Variants in RABEPK observed in about 807,000 individuals in gnomAD.
The protein encoded by RABEPK is 40 kDa Rab9 effector protein.
RABEPK carries 27 observed loss-of-function variants against 34.1 expected under a neutral mutation model. The observed-to-expected ratio is 0.79, with a 90% confidence interval of 0.58 to 1.09. RABEPK has a LOEUF of 1.09. Ranked by LOEUF, RABEPK falls within the 50% of genes least tolerant of loss-of-function variation. RABEPK has a pLI of 0.00. For missense variants in RABEPK, 449 were observed against 462.6 expected (o/e 0.97, Z 0.27); for synonymous variants, 172 against 169.2 (o/e 1.02, Z -0.13).
intron 2 of RABEPK, among the ~76,000 whole-genome samples, chr9:125,206,741 C>G: frequency 6.6e-6 from 1 of 152,284 alleles, no homozygotes; most frequent in African/African-American, 2.4e-5. Context: ...GAGTCCTTCC[C>G]TGCCCTGTTT....
intron 3 of RABEPK, among the ~76,000 whole-genome samples, chr9:125,208,801 C>A (rs1323132428): frequency 6.6e-6 from 1 of 151,818 alleles, no homozygotes; most frequent in East Asian, 1.9e-4. Flanking sequence ...TCCCAAAGTG[C>A]TGGGATTACA....
At position 125,200,630 on chromosome 9, in the gene RABEPK, C is replaced by A. The variant is rs532584509; in HGVS notation, c.-283C>A. ...GGGCGAGGGTCCCCGGATACCGGGT[C>A]TATCACGGTCTCGGGCAGGGAGTCT... On this transcript the variant is annotated 5_prime_UTR_variant, in exon 1 of 8. Transcript: ENST00000373538. 4 of 467,644 alleles carry A rather than the reference C, an allele frequency of 8.6e-6. No homozygotes were observed. Among genetic ancestry groups the A allele is most frequent in the Non-Finnish European group, 1.8e-5 (4 of 224,484 alleles). 29.0% of individuals were successfully genotyped at this position (467,644 alleles called of 1,614,324 possible).
At chr9:125,204,209 C>T (rs1830078915) in intron 2 of RABEPK, among the ~76,000 whole-genome samples, 1 of 151,854 alleles carries the variant, frequency 6.6e-6, no homozygotes. Context: ...TGGCGGGCAT[C>T]TGTAGTCCCA....
At chr9:125,209,305 C>T (rs539365968) in intron 3 of RABEPK, among the ~76,000 whole-genome samples, 6 of 151,646 alleles carry the variant, frequency 4.0e-5, no homozygotes, top group African/African-American at 7.3e-5. Context: ...GTGATCCTCC[C>T]GCCTCATCCT....
chr9:125,232,034 G>GCTCATTTT (rs1832219951), intron 6 of RABEPK, among the ~76,000 whole-genome samples: 2 of 151,372 alleles, frequency 1.3e-5, no homozygotes, highest in African/African-American at 4.9e-5. Flanking sequence ...TGAGTAGCTG[G>GCTCATTTT]GATTACAGGC....
Position 125,203,129 on chromosome 9 carries a change from A to G in RABEPK, c.53+63A>G, listed in dbSNP as rs903197042. ...TTTTTGTTTCATTTATAAGTAGTTTATTTACATATTTGATCATCAACAAAA... is the reference window on the plus strand; with the variant it reads ...TTTTTGTTTCATTTATAAGTAGTTTGTTTACATATTTGATCATCAACAAAA... On this transcript the variant is annotated intron_variant, in intron 2 of 7. Transcript: ENST00000373538. 2.1e-6 allele frequency: 3 copies of G among 1,419,108 alleles called. No individual in the cohort carries two copies. In the African/African-American group the frequency reaches 4.2e-5, roughly 20 times the overall value. 87.9% of individuals were successfully genotyped at this position (1,419,108 alleles called of 1,614,324 possible). A position where few individuals can be genotyped will look rare whatever the true frequency, so the allele number is the denominator to read the frequency against.
At chr9:125,224,937 T>A (rs1831630928) in intron 5 of RABEPK, among the ~76,000 whole-genome samples, 2 of 152,162 alleles carry the variant, frequency 1.3e-5, no homozygotes, top group South Asian at 4.1e-4. Flanking sequence ...TAGTCTGTTT[T>A]TTTCCCCAAC....
At position 125,218,049 on chromosome 9, in the gene RABEPK, C is replaced by A. The variant is rs182751939; in HGVS notation, c.365-2490C>A. The stretch of plus-strand genomic sequence containing the variant: ...AGTTCAGGCCCGGCGCGGTAGCTCA[C>A]GCCTGTAATCTCAGCACTTTGGGAG... On this transcript the variant is annotated intron_variant, in intron 4 of 7. Transcript: ENST00000373538. Among the ~76,000 whole-genome samples the A allele has an allele frequency of 1.2e-3, 189 of 151,832 alleles. No individual in the cohort carries two copies. The Middle Eastern group carries it at 0.02, about 16-fold the overall frequency.
At chr9:125,215,310 G>GT (rs1166526354) in intron 4 of RABEPK, among the ~76,000 whole-genome samples, 1 of 148,702 alleles carries the variant, frequency 6.7e-6, no homozygotes, top group East Asian at 2.0e-4. Flanking sequence ...TTTATTGTTG[G>GT]TAACTTTTTT....
chr9:125,207,347 A>G (rs1830290302), intron 2 of RABEPK, among the ~76,000 whole-genome samples: 1 of 152,296 alleles, frequency 6.6e-6, no homozygotes, highest in East Asian at 1.9e-4. Flanking sequence ...CTACCAGATT[A>G]CTGTGAGATG....
Position 125,233,692 on chromosome 9 carries a change from G to C in RABEPK, c.831G>C (p.Glu277Asp). The C allele has an allele frequency of 6.2e-7, 1 of 1,611,406 alleles. No individual in the cohort carries two copies. Among genetic ancestry groups the C allele is most frequent in the Non-Finnish European group, 8.5e-7 (1 of 1,178,000 alleles). Residue 277 changes from glutamate (E) to aspartate (D), a missense_variant, in exon 8 of 8, where the codon GAG becomes GAC. Glu to Asp is a conservative substitution (Grantham distance 45). Transcript: ENST00000373538. ...LDTMYQYHTEEQHWTLLKFDT... is the reference protein window; with the variant it reads ...LDTMYQYHTEDQHWTLLKFDT... The stretch of plus-strand genomic sequence containing the variant: ...CCTTTTCCCTCCCCAACATAGAAGA[G>C]CAGCATTGGACCTTGCTTAAATTTG...
intron 5 of RABEPK, 132 bp downstream of exon 5, chr9:125,220,832 T>G: frequency 1.7e-6 from 2 of 1,168,320 alleles, no homozygotes; most frequent in African/African-American, 1.6e-5. Flanking sequence ...GTTATATCTC[T>G]TAGCTGATAT....
At position 125,207,729 on chromosome 9, in the gene RABEPK, C is replaced by G; in HGVS notation, c.211+8C>G. ...TGCACACCATGGATCTGGGTAAGAT[C>G]AGCAGCTGCAGAGTACATGCCCTAT... On this transcript the variant is annotated splice_region_variant and intron_variant, in intron 3 of 7. Coordinates refer to ENST00000373538, the MANE Select transcript of RABEPK (RefSeq NM_005833.4). The G allele has an allele frequency of 6.2e-7, 1 of 1,613,938 alleles. No individual in the cohort carries two copies. The highest frequency in any genetic ancestry group is 8.5e-7 in the Non-Finnish European group (1 of 1,179,874).
At chr9:125,201,954 C>T (rs1408949433) in intron 1 of RABEPK, among the ~76,000 whole-genome samples, 1 of 150,730 alleles carries the variant, frequency 6.6e-6, no homozygotes, top group African/African-American at 2.4e-5. Context: ...TGGCCGGGCT[C>T]AGTGGCTCAC....
At chr9:125,220,498 C>G in intron 4 of RABEPK, 41 bp from the exon 5 acceptor site, 3 of 1,465,662 alleles carry the variant, frequency 2.0e-6, no homozygotes, top group Non-Finnish European at 2.7e-6. Context: ...AGAAGCCCCT[C>G]TACCTGGATA....
intron 3 of RABEPK, among the ~76,000 whole-genome samples, chr9:125,209,272 G>A (rs1830438848): frequency 6.6e-6 from 1 of 151,502 alleles, no homozygotes; most frequent in Non-Finnish European, 1.5e-5. Context: ...TGTTGATCAG[G>A]CTGGTCTTCA....
At chr9:125,217,016 A>G (rs1183834851) in intron 4 of RABEPK, among the ~76,000 whole-genome samples, 1 of 151,960 alleles carries the variant, frequency 6.6e-6, no homozygotes, top group Non-Finnish European at 1.5e-5. Flanking sequence ...TTGGCAGACC[A>G]TTTGGCTAAT....
chr9:125,214,191 G>C (rs1663338131), intron 4 of RABEPK, among the ~76,000 whole-genome samples: 2 of 152,042 alleles, frequency 1.3e-5, no homozygotes, highest in Non-Finnish European at 2.9e-5. Context: ...GACTGAGCCA[G>C]GCTTAGAACC....
rs1351092483 is a variant in RABEPK, at chr9:125,213,377, C to G, written c.219C>G (p.His73Gln). The change falls in exon 4 of 8, where the codon CAC becomes CAG. Residue 73 changes from histidine (H) to glutamine (Q), a missense_variant. Physicochemically the swap from His to Gln is conservative, Grantham distance 24. Transcript: ENST00000373538. ...SDVHTMDLGK[H>Q]QWDLDTCKGL... The stretch of plus-strand genomic sequence containing the variant: ...GGGTGAAATGTTTTCCAGGAAAACA[C>G]CAGTGGGACTTAGATACCTGCAAGG... The G allele has an allele frequency of 1.9e-6, 3 of 1,610,134 alleles. No individual in the cohort carries two copies. The highest frequency in any genetic ancestry group is 1.7e-5 in the Admixed American group (1 of 58,732).
Sources: gnomAD v4.1 joint callset for allele counts (sites outside exome capture counted in the v4.1 genomes callset) on GRCh38, gnomAD v4.1.1 for gene constraint, MANE v1.5 for transcripts, NCBI Gene and HGNC (gene_info 2026-07-23, HGNC 2026-07-21) for gene names.